Variants in DNM1L observed in about 807,000 individuals in gnomAD.
DNM1L encodes dynamin-1-like protein.
DNM1L carries 33 observed loss-of-function variants against 92.8 expected under a neutral mutation model. That is an observed-to-expected ratio of 0.36 (90% confidence interval 0.27 to 0.48). DNM1L has a LOEUF of 0.48. Among genes scored for constraint, DNM1L ranks in the 20% least tolerant of loss-of-function variants. The pLI is 0.99. For missense variants in DNM1L, 485 were observed against 888.8 expected (o/e 0.55, Z 5.78); for synonymous variants, 284 against 305.0 (o/e 0.93, Z 0.72).
intron 9 of DNM1L, among the ~76,000 whole-genome samples, chr12:32,724,593 AAT>A (rs869170631): frequency 0.031 from 2,071 of 66,496 alleles, 45 homozygotes; most frequent in East Asian, 0.14. Flanking sequence ...AAAAAAAAAA[AAT>A]ATATATATAT....
At chr12:32,689,004 A>T (rs1952131237) in intron 1 of DNM1L, among the ~76,000 whole-genome samples, 1 of 152,152 alleles carries the variant, frequency 6.6e-6, no homozygotes, top group Non-Finnish European at 1.5e-5. Context: ...TGAGGGCTGT[A>T]GTTCACTGTG....
chr12:32,727,185 T>C, intron 9 of DNM1L: 1 of 930,898 alleles, frequency 1.1e-6, no homozygotes, highest in South Asian at 1.3e-5. Flanking sequence ...TGTAGGTTCA[T>C]AAATTGTATT....
At chr12:32,702,018 GAGGTCAGA>G (rs1292613712) in intron 2 of DNM1L, among the ~76,000 whole-genome samples, 1 of 149,318 alleles carries the variant, frequency 6.7e-6, no homozygotes, top group Non-Finnish European at 1.5e-5. Flanking sequence ...GGTGGATCAC[GAGGTCAGA>G]AGTTCGAGAC....
In DNM1L at chr12:32,707,882, T is replaced by TTGAGGC. The variant is rs137982150; in HGVS notation, c.298-268_298-263dup. Among the ~76,000 whole-genome samples, 122 of 151,892 alleles carry TTGAGGC rather than the reference T, an allele frequency of 8.0e-4. 1 individual carries two copies. In the East Asian group the frequency reaches 0.016, roughly 20 times the overall value. On this transcript the variant is annotated intron_variant, in intron 3 of 19. Coordinates refer to ENST00000549701, the MANE Select transcript of DNM1L (RefSeq NM_012062.5). ...GGGAGGATGGCTTGAGGATGTGAGG[T>TTGAGGC]TGAGGCTGCAGTGAGCCGTGATTGT...
intron 16 of DNM1L, among the ~76,000 whole-genome samples, chr12:32,738,853 G>T (rs548106623): frequency 6.6e-6 from 1 of 152,200 alleles, no homozygotes; most frequent in African/African-American, 2.4e-5. Context: ...CTGCCATTTA[G>T]CTCCTTTCCT....
At chr12:32,721,621 C>T (rs1953809426) in intron 8 of DNM1L, among the ~76,000 whole-genome samples, 1 of 152,116 alleles carries the variant, frequency 6.6e-6, no homozygotes, top group Non-Finnish European at 1.5e-5. Flanking sequence ...TTTCCCCATA[C>T]ATCAAGCAAG....
At chr12:32,717,136 G>T (rs1364248143) in intron 6 of DNM1L, among the ~76,000 whole-genome samples, 1 of 114,682 alleles carries the variant, frequency 8.7e-6, no homozygotes, top group Non-Finnish European at 1.7e-5. Context: ...ATATACCTAT[G>T]TATATATATT....
rs1953358806 is a variant in DNM1L at position 32,716,247 on chromosome 12, G to GC, written c.620-2396_620-2395insC. Among the ~76,000 whole-genome samples, 5 of 151,912 alleles carry GC rather than the reference G, an allele frequency of 3.3e-5. No homozygotes were observed. In the South Asian group the frequency reaches 8.3e-4, roughly 25 times the overall value. ...GTTAGCATAAGAAAATTTGGTGGGG[G>GC]GGGGTGGCAATGTCTTGAGTTGGTT... is the stretch of plus-strand genomic sequence containing the variant. On this transcript the variant is annotated intron_variant, in intron 6 of 19. Coordinates refer to ENST00000549701, the MANE Select transcript of DNM1L (RefSeq NM_012062.5).
rs1040335127 is a variant in DNM1L at position 32,743,533 on chromosome 12, T to C, written c.*123T>C. 6.5e-6 allele frequency: 6 copies of C among 919,268 alleles called. No homozygotes were observed. In the African/African-American group the frequency reaches 1.0e-4, roughly 15 times the overall value. The allele number at this position is 919,268 out of a possible 1,614,324, so 56.9% of individuals were successfully genotyped here. A position where few individuals can be genotyped will look rare whatever the true frequency, so the allele number is the denominator to read the frequency against. On this transcript the variant is annotated 3_prime_UTR_variant, in exon 20 of 20. Coordinates refer to ENST00000549701, the MANE Select transcript of DNM1L (RefSeq NM_012062.5). ...GGTATGAATCTGCTCATGTGGAGAC[T>C]GGCTATAAACTGAAAAGTGTATTCC...
intron 1 of DNM1L, among the ~76,000 whole-genome samples, chr12:32,688,211 C>T (rs192487910): frequency 7.9e-5 from 12 of 152,316 alleles, no homozygotes; most frequent in African/African-American, 2.2e-4. Flanking sequence ...AGGCGTGAGC[C>T]ACTGTGTGGG....
intron 4 of DNM1L, among the ~76,000 whole-genome samples, chr12:32,709,140 T>C (rs942516637): frequency 1.4e-4 from 21 of 152,278 alleles, no homozygotes; most frequent in African/African-American, 4.8e-4. Context: ...CTGAGCTTTG[T>C]TCATTGTTGA....
At chr12:32,696,051 T>G (rs1952432876) in intron 1 of DNM1L, among the ~76,000 whole-genome samples, 1 of 151,990 alleles carries the variant, frequency 6.6e-6, no homozygotes, top group Non-Finnish European at 1.5e-5. Context: ...AAAATTACAA[T>G]ACAAGACAAT....
chr12:32,729,551 G>C lies in DNM1L; in HGVS notation c.1080-1463G>C, dbSNP rs2137508637. ...GCCAGTCTCTGCCTCCCAGGTTCAA[G>C]CAATCATCCTGCCTCAGCCTCCTGA... is the stretch of plus-strand genomic sequence containing the variant. On this transcript the variant is annotated intron_variant, in intron 9 of 19. Transcript: ENST00000549701. 2.6e-5 allele frequency among the ~76,000 whole-genome samples: 4 copies of C among 152,256 alleles called. No homozygotes were observed. The Middle Eastern group carries it at 0.01, about 388-fold the overall frequency.
intron 1 of DNM1L, among the ~76,000 whole-genome samples, chr12:32,685,172 C>T (rs902433609): frequency 2.2e-4 from 33 of 151,616 alleles, no homozygotes; most frequent in African/African-American, 7.5e-4. Context: ...CTCCTCACCT[C>T]GTGATCCACC....
intron 4 of DNM1L, chr12:32,709,541 C>T (rs1439272929): frequency 2.0e-5 from 3 of 152,182 alleles, no homozygotes; most frequent in African/African-American, 7.2e-5. Flanking sequence ...TTTTCATCCA[C>T]AGTGTCTAAA....
At chr12:32,727,737 AG>A (rs1954247680) in intron 9 of DNM1L, among the ~76,000 whole-genome samples, 1 of 152,184 alleles carries the variant, frequency 6.6e-6, no homozygotes, top group Non-Finnish European at 1.5e-5. Flanking sequence ...AGATTTGCAT[AG>A]TATTTTACTT....
chr12:32,733,398 TAA>T (rs1954689225), intron 12 of DNM1L: 2 of 268,198 alleles, frequency 7.5e-6, no homozygotes, highest in South Asian at 1.0e-4. Flanking sequence ...CAAAGTTGCA[TAA>T]AGTGTTGGAA....
intron 2 of DNM1L, 189 bp from the exon 3 acceptor site, chr12:32,707,178 A>ATATAAT (rs901691948): frequency 2.8e-5 from 14 of 503,726 alleles, no homozygotes; most frequent in African/African-American, 2.6e-4. Flanking sequence ...AATTTTTAAA[A>ATATAAT]TATAATTTAG....
chr12:32,683,415 A>C (rs1472086214), intron 1 of DNM1L, among the ~76,000 whole-genome samples: 7 of 151,496 alleles, frequency 4.6e-5, no homozygotes, highest in Non-Finnish European at 1.0e-4. Context: ...TCGCTGCCTT[A>C]CTATGTTGCC....
Sources: gnomAD v4.1 joint callset for allele counts (sites outside exome capture counted in the v4.1 genomes callset) on GRCh38, gnomAD v4.1.1 for gene constraint, MANE v1.5 for transcripts, NCBI Gene and HGNC (gene_info 2026-07-23, HGNC 2026-07-21) for gene names.